CLYBL: variants seen among roughly 807,000 people sequenced by gnomAD.
CLYBL encodes the protein citramalyl-CoA lyase.
In CLYBL, 31 loss-of-function variants were observed where a neutral mutation model predicts 38.9. The observed-to-expected ratio is 0.80, with a 90% CI of 0.60 to 1.08. The LOEUF (loss-of-function observed/expected upper bound fraction) is 1.08, where lower values mean the gene tolerates loss of function less well. Among genes scored for constraint, CLYBL ranks in the 50% least tolerant of loss-of-function variants. The pLI is 0.00. For synonymous variants in CLYBL, 171 were observed against 158.6 expected (o/e 1.08, Z -0.59); for missense variants, 434 against 411.6 (o/e 1.05, Z -0.47).
intron 1 of CLYBL, among the ~76,000 whole-genome samples, chr13:99,654,235 C>T (rs1313897179): frequency 6.6e-6 from 1 of 152,208 alleles, no homozygotes; most frequent in Non-Finnish European, 1.5e-5. Context: ...CTTAGCTGGG[C>T]ATCCATGGAC....
intron 1 of CLYBL, among the ~76,000 whole-genome samples, chr13:99,636,048 T>A (rs9585156): frequency 0.013 from 2,047 of 152,316 alleles, 47 homozygotes; most frequent in African/African-American, 0.046. Flanking sequence ...CAACTTTTAA[T>A]GAGTTTGAAT....
rs981801682 is a variant in CLYBL, at chr13:99,717,278, T to C, written c.63-55546T>C. ...CCGTCTCTACTAAAAATTCAAAAAT[T>C]AGCTGGGTGTGGTGGTGCACACATG... On this transcript the variant is annotated intron_variant, in intron 1 of 8. Transcript: ENST00000339105. 6.0e-5 allele frequency among the ~76,000 whole-genome samples: 9 copies of C among 150,952 alleles called. No individual in the cohort carries two copies. In the East Asian group the frequency reaches 1.9e-3, roughly 31 times the overall value.
intron 1 of CLYBL, among the ~76,000 whole-genome samples, chr13:99,740,807 G>A (rs746970604): frequency 1.5e-4 from 23 of 152,078 alleles, no homozygotes; most frequent in Non-Finnish European, 2.6e-4. Flanking sequence ...AGCATTTAAC[G>A]GCGTGCACAC....
At position 99,715,428 on chromosome 13, in the gene CLYBL, T is replaced by C. The variant is rs564701649; in HGVS notation, c.63-57396T>C. On this transcript the variant is annotated intron_variant, in intron 1 of 8. Coordinates refer to ENST00000339105, the MANE Select transcript of CLYBL (RefSeq NM_206808.5). ...TTCTTTTTCTTTTCTTTTTTTTTTT[T>C]TTGAGACAGTCTCACTCGGACTGGA... Among the ~76,000 whole-genome samples, 55 of 151,494 alleles carry C rather than the reference T, an allele frequency of 3.6e-4. 1 individual carries two copies. Among genetic ancestry groups the C allele is most frequent in the African/African-American group, 1.2e-3 (50 of 41,380 alleles).
intron 1 of CLYBL, among the ~76,000 whole-genome samples, chr13:99,755,945 C>A (rs75195088): frequency 0.01 from 1,595 of 152,308 alleles, 16 homozygotes; most frequent in East Asian, 0.079. Flanking sequence ...TCCCCCATTC[C>A]TTTCTCACTC....
Position 99,891,290 on chromosome 13 carries a change from C to G in CLYBL, c.928-28C>G. ...AAACCTATAATTTCGAGTATTCTTT[C>G]AGGAAGTTTGTATTCTCTGTTTTCC... On this transcript the variant is annotated intron_variant, in intron 7 of 8. Transcript: ENST00000339105. 2.7e-6 allele frequency: 4 copies of G among 1,501,066 alleles called. No individual in the cohort carries two copies. In the South Asian group the frequency reaches 4.5e-5, roughly 17 times the overall value. 93.0% of individuals were successfully genotyped at this position (1,501,066 alleles called of 1,614,324 possible).
intron 1 of CLYBL, among the ~76,000 whole-genome samples, chr13:99,723,721 G>A (rs2139538232): frequency 6.6e-6 from 1 of 152,290 alleles, no homozygotes; most frequent in Non-Finnish European, 1.5e-5. Flanking sequence ...AGCATATTCA[G>A]ATGTGGTAAA....
intron 1 of CLYBL, among the ~76,000 whole-genome samples, chr13:99,732,468 CTG>C (rs761989529): frequency 5.3e-5 from 8 of 152,190 alleles, no homozygotes; most frequent in African/African-American, 9.7e-5. Flanking sequence ...GTGTGAGCCA[CTG>C]TGCCTGGCCT....
chr13:99,754,748 C>CTTTTT (rs35982336), intron 1 of CLYBL, among the ~76,000 whole-genome samples: 13 of 124,442 alleles, frequency 1.0e-4, no homozygotes, highest in East Asian at 2.4e-4. Flanking sequence ...CCATGCCCAG[C>CTTTTT]TTTTTTTTTT....
chr13:99,814,076 C>G (rs1401372633), intron 2 of CLYBL, among the ~76,000 whole-genome samples: 4 of 152,214 alleles, frequency 2.6e-5, no homozygotes, highest in Non-Finnish European at 4.4e-5. Flanking sequence ...AGTGGCCCAA[C>G]AAGGTTTTGT....
chr13:99,750,730 T>TC (rs2048940507), intron 1 of CLYBL, among the ~76,000 whole-genome samples: 1 of 123,350 alleles, frequency 8.1e-6, no homozygotes, highest in Non-Finnish European at 1.6e-5. Flanking sequence ...AATGCCCTCT[T>TC]TTTTTAAAAA....
chr13:99,608,483 C>T (rs2046568003), intron 1 of CLYBL, among the ~76,000 whole-genome samples: 1 of 152,168 alleles, frequency 6.6e-6, no homozygotes, highest in South Asian at 2.1e-4. Flanking sequence ...CTCCGCTGCC[C>T]CTGGCACAGG....
intron 1 of CLYBL, among the ~76,000 whole-genome samples, chr13:99,616,143 C>CTTTTTTT (rs34142988): frequency 1.2e-5 from 1 of 83,842 alleles, no homozygotes; most frequent in African/African-American, 5.1e-5. Context: ...CCACGCCTGG[C>CTTTTTTT]TTTTTTTTTT....
At chr13:99,740,891 C>T (rs1162621675) in intron 1 of CLYBL, among the ~76,000 whole-genome samples, 4 of 152,150 alleles carry the variant, frequency 2.6e-5, no homozygotes, top group African/African-American at 9.7e-5. Flanking sequence ...GGCACCGTCC[C>T]TGGAGAATTC....
At chr13:99,754,031 G>A (rs2049005666) in intron 1 of CLYBL, among the ~76,000 whole-genome samples, 2 of 134,102 alleles carry the variant, frequency 1.5e-5, no homozygotes, top group South Asian at 4.7e-4. Context: ...AGGTTGCAGT[G>A]AGCCAAGATC....
At chr13:99,648,622 C>A (rs2047209655) in intron 1 of CLYBL, among the ~76,000 whole-genome samples, 1 of 152,168 alleles carries the variant, frequency 6.6e-6, no homozygotes, top group Non-Finnish European at 1.5e-5. Flanking sequence ...CATAAGAAAT[C>A]ATCATAAGCT....
chr13:99,827,180 C>G (rs959475020), intron 2 of CLYBL, among the ~76,000 whole-genome samples: 4 of 152,172 alleles, frequency 2.6e-5, no homozygotes, highest in African/African-American at 9.7e-5. Context: ...ACCACAGACT[C>G]CAGTTGGAAG....
At chr13:99,686,299 G>A (rs75463461) in intron 1 of CLYBL, among the ~76,000 whole-genome samples, 4,149 of 152,204 alleles carry the variant, frequency 0.027, 187 homozygotes, top group African/African-American at 0.095. Context: ...GGCCTGACTC[G>A]CAGGAGCCGG....
chr13:99,607,644 G>A lies in CLYBL; in HGVS notation c.62+887G>A, dbSNP rs2046549033. 6.6e-5 allele frequency among the ~76,000 whole-genome samples: 10 copies of A among 152,334 alleles called. No individual in the cohort carries two copies. The South Asian group carries it at 2.1e-3, about 32-fold the overall frequency. On this transcript the variant is annotated intron_variant, in intron 1 of 8. Coordinates refer to ENST00000339105, the MANE Select transcript of CLYBL (RefSeq NM_206808.5). ...TCATGTTTATAAAGATGAAAAAACA[G>A]GGTCAGAAAGGTTAAGGATTCTCAA...
Sources: allele counts gnomAD v4.1 joint callset (sites outside exome capture counted in the v4.1 genomes callset), GRCh38; gene constraint gnomAD v4.1.1; transcripts MANE v1.5; gene names NCBI Gene and HGNC (gene_info 2026-07-23, HGNC 2026-07-21).